The following PTPN4 variants were observed in gnomAD, a reference collection of about 807,000 sequenced individuals.
The protein encoded by PTPN4 is tyrosine-protein phosphatase non-receptor type 4.
A neutral mutation model predicts 135.5 loss-of-function variants in PTPN4; 49 were observed. The ratio of observed to expected loss-of-function variants is 0.36; its 90% CI spans 0.29 to 0.46. The LOEUF is 0.46. PTPN4 is among the 20% of genes least tolerant of loss of function. The probability of loss-of-function intolerance (pLI) is 1.00; values close to 1 mark genes in which losing one functional copy is unlikely to be tolerated. For missense variants in PTPN4, 860 were observed against 1,101.0 expected (o/e 0.78, Z 3.10); for synonymous variants, 333 against 369.9 (o/e 0.90, Z 1.14).
At chr2:119,811,116 A>G (rs1691565438) in intron 2 of PTPN4, among the ~76,000 whole-genome samples, 1 of 152,148 alleles carries the variant, frequency 6.6e-6, no homozygotes, top group South Asian at 2.1e-4. Flanking sequence ...GCATTAGGAG[A>G]AATACCCAAT....
chr2:119,977,044 C>A lies in PTPN4; in HGVS notation c.2755C>A (p.Pro919Thr), dbSNP rs1223689894. 1.3e-6 allele frequency: 2 copies of A among 1,599,858 alleles called. No homozygotes were observed. Among genetic ancestry groups the A allele is most frequent in the Non-Finnish European group, 1.7e-6 (2 of 1,176,044 alleles). The change falls in exon 27 of 27, where the codon CCC becomes ACC. Residue 919 changes from proline (P) to threonine (T), a missense_variant. Pro to Thr is a conservative substitution (Grantham distance 38, BLOSUM62 -1). Coordinates refer to ENST00000263708, the MANE Select transcript of PTPN4 (RefSeq NM_002830.4). ...AGTTTATGAAGAAGGCTTTGTTAAA[C>A]CCTTAACAACATCAACAAATAAATA... ...LKVYEEGFVK[P>T]LTTSTNK
chr2:119,952,041 A>G lies in PTPN4; in HGVS notation c.1725A>G (p.Ala575=), dbSNP rs1173271241. 3.1e-6 allele frequency: 5 copies of G among 1,613,344 alleles called. No individual in the cohort carries two copies. Among genetic ancestry groups the G allele is most frequent in the Non-Finnish European group, 4.2e-6 (5 of 1,179,416 alleles). Residue 575 remains alanine (A), a synonymous_variant, in exon 19 of 27, where the codon GCA becomes GCG. Coordinates refer to ENST00000263708, the MANE Select transcript of PTPN4 (RefSeq NM_002830.4). The part of the protein sequence containing the change: ...QVVLINGRDI[A]EHTHDQVVLF... ...TACTGATCAATGGTCGGGACATTGC[A>G]GAACACACTCATGATCAGGTTGTGC...
chr2:119,976,050 C>G (rs1367911895), intron 26 of PTPN4, among the ~76,000 whole-genome samples: 1 of 148,504 alleles, frequency 6.7e-6, no homozygotes, highest in Non-Finnish European at 1.5e-5. Context: ...GGCTGGAGCA[C>G]AGTGGCGCGA....
At chr2:119,916,159 C>T (rs987467974) in intron 11 of PTPN4, 1 of 147,624 alleles carries the variant, frequency 6.8e-6, no homozygotes, top group Non-Finnish European at 1.5e-5. Flanking sequence ...ATCATCACAC[C>T]ATTGCACTCC....
chr2:119,961,525 T>G (rs1179445091), intron 23 of PTPN4, among the ~76,000 whole-genome samples: 1 of 152,206 alleles, frequency 6.6e-6, no homozygotes, highest in African/African-American at 2.4e-5. Context: ...GAGTTAAACG[T>G]CGAGTTGGTA....
intron 12 of PTPN4, among the ~76,000 whole-genome samples, chr2:119,924,640 T>C (rs1462843096): frequency 2.0e-5 from 3 of 152,184 alleles, no homozygotes; most frequent in Admixed American, 6.5e-5. Flanking sequence ...TTTCATTTTG[T>C]TGTAATGATA....
At chr2:119,904,208 C>G (rs1365075030) in intron 10 of PTPN4, among the ~76,000 whole-genome samples, 1 of 151,230 alleles carries the variant, frequency 6.6e-6, no homozygotes, top group African/African-American at 2.4e-5. Flanking sequence ...ATGAGAAATT[C>G]AACTGAGAGA....
In PTPN4 at chr2:119,960,139, A is replaced by C. The variant is rs1051788715; in HGVS notation, c.2134-668A>C. Reference sequence around the variant, plus strand: ...GATTACCTTCCTGGCTGCAAACTAGAAGCTGAAATGGGAGAAGAGACTTTC... The same window carrying C: ...GATTACCTTCCTGGCTGCAAACTAGCAGCTGAAATGGGAGAAGAGACTTTC... On this transcript the variant is annotated intron_variant, in intron 22 of 26. Coordinates refer to ENST00000263708, the MANE Select transcript of PTPN4 (RefSeq NM_002830.4). Among the ~76,000 whole-genome samples the C allele has an allele frequency of 4.6e-5, 7 of 152,170 alleles. No individual in the cohort carries two copies. The East Asian group carries it at 1.3e-3, about 29-fold the overall frequency.
intron 10 of PTPN4, among the ~76,000 whole-genome samples, chr2:119,908,530 T>C (rs1172237240): frequency 6.6e-6 from 1 of 152,164 alleles, no homozygotes; most frequent in Non-Finnish European, 1.5e-5. Context: ...ACTTAAGTGA[T>C]AGATATTGTA....
At chr2:119,976,949 C>G in intron 26 of PTPN4, 35 bp from the exon 27 acceptor site, 1 of 1,582,134 alleles carries the variant, frequency 6.3e-7, no homozygotes, top group East Asian at 2.3e-5. Flanking sequence ...TCTGACTTTT[C>G]TGATCAGTTC....
intron 3 of PTPN4, among the ~76,000 whole-genome samples, chr2:119,863,238 A>C (rs1193724873): frequency 6.6e-6 from 1 of 152,166 alleles, no homozygotes; most frequent in Non-Finnish European, 1.5e-5. Context: ...GATGAATAAT[A>C]GAAATGTTTA....
At chr2:119,969,552 C>CTT (rs35531556) in intron 26 of PTPN4, among the ~76,000 whole-genome samples, 7,141 of 112,872 alleles carry the variant, frequency 0.063, 966 homozygotes, top group African/African-American at 0.12. Flanking sequence ...TAATCAATTT[C>CTT]TTTTTTTTTT....
chr2:119,973,655 G>GTTTTTTTT lies in PTPN4; in HGVS notation c.2695-3309_2695-3302dup, dbSNP rs70949378. On this transcript the variant is annotated intron_variant, in intron 26 of 26. Coordinates refer to ENST00000263708, the MANE Select transcript of PTPN4 (RefSeq NM_002830.4). ...TTGAAAGCTTCCTCCTTCATTTCTT[G>GTTTTTTTT]TTTTTTTTTTTTTTTTTTTTTTTTT... 2.3e-3 allele frequency among the ~76,000 whole-genome samples: 90 copies of GTTTTTTTT among 38,386 alleles called. 19 individuals carry two copies. The highest frequency in any genetic ancestry group is 6.5e-3 in the African/African-American group (52 of 7,946). 25.2% of individuals were successfully genotyped at this position (38,386 alleles called of 152,430 possible).
intron 2 of PTPN4, among the ~76,000 whole-genome samples, chr2:119,861,496 C>T (rs116069102): frequency 0.015 from 2,284 of 152,206 alleles, 51 homozygotes; most frequent in African/African-American, 0.052. Context: ...GAAGTTTCCT[C>T]CAGTATTAGC....
intron 2 of PTPN4, among the ~76,000 whole-genome samples, chr2:119,853,967 A>AT (rs1309364968): frequency 1.3e-5 from 2 of 152,206 alleles, no homozygotes; most frequent in Non-Finnish European, 2.9e-5. Context: ...AGGCTCCCCC[A>AT]TAGAGAGACA....
chr2:119,790,787 T>C (rs770063401), intron 1 of PTPN4, among the ~76,000 whole-genome samples: 1 of 152,202 alleles, frequency 6.6e-6, no homozygotes, highest in Non-Finnish European at 1.5e-5. Flanking sequence ...TTGTTGTATG[T>C]TGATATTTTT....
chr2:119,895,643 C>T (rs371610422), intron 9 of PTPN4, among the ~76,000 whole-genome samples: 1 of 151,472 alleles, frequency 6.6e-6, no homozygotes, highest in Non-Finnish European at 1.5e-5. Flanking sequence ...AGAAAAAGGC[C>T]GGGTGCAGTG....
chr2:119,844,500 G>T (rs960330456), intron 2 of PTPN4, among the ~76,000 whole-genome samples: 3 of 147,462 alleles, frequency 2.0e-5, no homozygotes, highest in Admixed American at 6.7e-5. Flanking sequence ...CTCAGACGGG[G>T]TGGTTGCCGG....
At chr2:119,920,322 ATACAACCTTTGT>A (rs1678717890) in intron 12 of PTPN4, 81 bp downstream of exon 12, 2 of 1,421,890 alleles carry the variant, frequency 1.4e-6, no homozygotes, top group Non-Finnish European at 1.9e-6. Flanking sequence ...TTATGGAACC[ATACAACCTTTGT>A]TACACAAACT....
Sources: gnomAD v4.1 joint callset for allele counts (sites outside exome capture counted in the v4.1 genomes callset) on GRCh38, gnomAD v4.1.1 for gene constraint, MANE v1.5 for transcripts, NCBI Gene and HGNC (gene_info 2026-07-23, HGNC 2026-07-21) for gene names.